Variants in KCNN2 observed in about 807,000 individuals in gnomAD.
The protein encoded by KCNN2 is potassium calcium-activated channel subfamily N member 2.
In KCNN2, 24 loss-of-function variants were observed where a neutral mutation model predicts 55.5. The observed-to-expected ratio is 0.43, with a 90% CI of 0.31 to 0.61. The LOEUF is 0.61. KCNN2 is among the 20% of genes least tolerant of loss of function. The probability of loss-of-function intolerance (pLI) is 0.08; values close to 1 mark genes in which losing one functional copy is unlikely to be tolerated. For synonymous variants in KCNN2, 431 were observed against 336.1 expected (o/e 1.28, Z -3.09); for missense variants, 754 against 853.6 (o/e 0.88, Z 1.45).
At chr5:114,391,354 C>G (rs138419298) in intron 2 of KCNN2, among the ~76,000 whole-genome samples, 2 of 152,130 alleles carry the variant, frequency 1.3e-5, no homozygotes, top group African/African-American at 4.8e-5. Flanking sequence ...TTAATGCATA[C>G]TAATCATGTA....
At chr5:114,199,332 C>T (rs531610675) in intron 1 of KCNN2, among the ~76,000 whole-genome samples, 69 of 152,072 alleles carry the variant, frequency 4.5e-4, no homozygotes, top group Admixed American at 7.9e-4. Flanking sequence ...AGGTAAGTTT[C>T]TTGAAGCAGC....
At chr5:114,434,724 C>T (rs1759941707) in intron 3 of KCNN2, among the ~76,000 whole-genome samples, 1 of 152,126 alleles carries the variant, frequency 6.6e-6, no homozygotes, top group Non-Finnish European at 1.5e-5. Context: ...TGACTTTCAT[C>T]AGTGCTTCTC....
At chr5:114,403,656 T>C (rs1394289175) in intron 2 of KCNN2, among the ~76,000 whole-genome samples, 2 of 152,234 alleles carry the variant, frequency 1.3e-5, no homozygotes, top group Admixed American at 6.5e-5. Flanking sequence ...GAGAGGAAGA[T>C]ACTCTTTTCT....
chr5:114,329,615 G>A (rs1328593806), intron 2 of KCNN2, among the ~76,000 whole-genome samples: 2 of 152,142 alleles, frequency 1.3e-5, no homozygotes, highest in African/African-American at 4.8e-5. Flanking sequence ...GAGGTTTGGG[G>A]ACTCAGACTG....
chr5:114,266,651 C>T (rs886367234), intron 2 of KCNN2, among the ~76,000 whole-genome samples: 1 of 152,142 alleles, frequency 6.6e-6, no homozygotes, highest in Admixed American at 6.5e-5. Flanking sequence ...CTGTTCCCTG[C>T]TACAAGAAAT....
intron 2 of KCNN2, among the ~76,000 whole-genome samples, chr5:114,334,260 ATGTGTGTGTGTGTGTGTGTGTG>A (rs56654295): frequency 1.2e-4 from 17 of 138,210 alleles, no homozygotes; most frequent in Non-Finnish European, 2.0e-4. Flanking sequence ...CATATGCCTG[ATGTGTGTGTGTGTGTGTGTGTG>A]TGTGTGTGTG....
At chr5:114,290,235 T>C (rs1238095659) in intron 2 of KCNN2, among the ~76,000 whole-genome samples, 1 of 152,178 alleles carries the variant, frequency 6.6e-6, no homozygotes. Flanking sequence ...GGTGCTGGAC[T>C]TTTCTTTATG....
chr5:114,463,001 A>T (rs368487590), intron 3 of KCNN2, 48 bp from the exon 4 acceptor site: 2 of 1,569,704 alleles, frequency 1.3e-6, no homozygotes, highest in South Asian at 1.2e-5. Context: ...CTTAACTATC[A>T]TATTGGAGAT....
At chr5:114,081,330 C>G (rs1443652250) in intron 1 of KCNN2, among the ~76,000 whole-genome samples, 1 of 152,074 alleles carries the variant, frequency 6.6e-6, no homozygotes, top group African/African-American at 2.4e-5. Flanking sequence ...TCCCTAATAG[C>G]CAGAACAAAA....
intron 2 of KCNN2, among the ~76,000 whole-genome samples, chr5:114,261,937 GA>G (rs1421448732): frequency 2.6e-5 from 4 of 152,146 alleles, no homozygotes; most frequent in Non-Finnish European, 2.9e-5. Flanking sequence ...TGAACAATCT[GA>G]AAACCTTGCT....
intron 1 of KCNN2, among the ~76,000 whole-genome samples, chr5:114,123,385 C>T (rs866184152): frequency 2.3e-5 from 1 of 43,214 alleles, no homozygotes; most frequent in South Asian, 5.7e-4. Flanking sequence ...TTTTTTGAGA[C>T]AGAGTCTCGC....
chr5:114,151,035 A>C (rs913292192), intron 1 of KCNN2, among the ~76,000 whole-genome samples: 2 of 152,074 alleles, frequency 1.3e-5, no homozygotes, highest in South Asian at 4.2e-4. Context: ...ACAAACAAAC[A>C]AACAACAACA....
intron 1 of KCNN2, among the ~76,000 whole-genome samples, chr5:114,147,866 A>T (rs982743932): frequency 2.0e-5 from 3 of 152,186 alleles, no homozygotes; most frequent in African/African-American, 7.2e-5. Context: ...ACAGAAAAGG[A>T]GTGGCTTGTT....
chr5:114,217,666 A>C (rs576973883), intron 1 of KCNN2, among the ~76,000 whole-genome samples: 21 of 152,262 alleles, frequency 1.4e-4, no homozygotes, highest in Admixed American at 1.3e-3. Flanking sequence ...ATGACATAGG[A>C]CAAATCTTTT....
At chr5:114,477,419 A>G (rs1403734268) in intron 5 of KCNN2, among the ~76,000 whole-genome samples, 1 of 152,214 alleles carries the variant, frequency 6.6e-6, no homozygotes, top group Non-Finnish European at 1.5e-5. Context: ...ACTGTATTTG[A>G]AAGTAGAATA....
chr5:114,152,165 T>G (rs935952184), intron 1 of KCNN2, among the ~76,000 whole-genome samples: 12 of 152,150 alleles, frequency 7.9e-5, no homozygotes, highest in African/African-American at 2.9e-4. Flanking sequence ...ACCATTTTTT[T>G]TTGCTACATT....
In KCNN2 at chr5:114,379,800, ATT is replaced by A. The variant is rs930539357; in HGVS notation, c.1218+15800_1218+15801del. 1.0e-4 allele frequency among the ~76,000 whole-genome samples: 15 copies of A among 143,106 alleles called. No individual in the cohort carries two copies. The South Asian group carries it at 2.6e-3, about 25-fold the overall frequency. 93.9% of individuals were successfully genotyped at this position (143,106 alleles called of 152,430 possible). A position where few individuals can be genotyped will look rare whatever the true frequency, so the allele number is the denominator to read the frequency against. Reference sequence around the variant, plus strand: ...TATAACATATATATTTATAGAATATATTATATAACATATTATATATTTATAGA... The same window carrying A: ...TATAACATATATATTTATAGAATATAATATAACATATTATATATTTATAGA... On this transcript the variant is annotated intron_variant, in intron 2 of 7. Coordinates refer to ENST00000673685, the MANE Select transcript of KCNN2 (RefSeq NM_021614.4).
intron 1 of KCNN2, among the ~76,000 whole-genome samples, chr5:114,107,770 T>A (rs1751519192): frequency 1.3e-5 from 2 of 152,038 alleles, no homozygotes; most frequent in South Asian, 4.1e-4. Context: ...AGGAATTACA[T>A]CAATTTTATC....
At chr5:114,445,704 A>G (rs1341685742) in intron 3 of KCNN2, among the ~76,000 whole-genome samples, 2 of 152,240 alleles carry the variant, frequency 1.3e-5, no homozygotes, top group Non-Finnish European at 2.9e-5. Context: ...GCATATCACT[A>G]AACAATATAT....
Sources: gnomAD v4.1 joint callset for allele counts (sites outside exome capture counted in the v4.1 genomes callset) on GRCh38, gnomAD v4.1.1 for gene constraint, MANE v1.5 for transcripts, NCBI Gene and HGNC (gene_info 2026-07-23, HGNC 2026-07-21) for gene names.